The following KCNMA1 variants were observed in gnomAD, a reference collection of about 807,000 sequenced individuals.
The protein encoded by KCNMA1 is Calcium-activated potassium channel subunit alpha-1.
A neutral mutation model predicts 140.0 loss-of-function variants in KCNMA1; 29 were observed. The ratio of observed to expected loss-of-function variants is 0.21; its 90% CI spans 0.15 to 0.28. The LOEUF is 0.28. Among genes scored for constraint, KCNMA1 ranks in the 10% least tolerant of loss-of-function variants. The pLI is 1.00. For missense variants in KCNMA1, 880 were observed against 1,602.2 expected (o/e 0.55, Z 7.70); for synonymous variants, 612 against 611.9 (o/e 1.00, Z 0.00).
chr10:77,490,218 CA>C (rs1446324736), intron 1 of KCNMA1, among the ~76,000 whole-genome samples: 11 of 152,204 alleles, frequency 7.2e-5, no homozygotes, highest in African/African-American at 2.7e-4. Context: ...ATTGGGTTTA[CA>C]CATGAATTTG....
intron 1 of KCNMA1, among the ~76,000 whole-genome samples, chr10:77,406,332 G>A (rs2096471109): frequency 6.6e-6 from 1 of 152,124 alleles, no homozygotes; most frequent in South Asian, 2.1e-4. Context: ...ATAAGATGGG[G>A]ACAGTACTGC....
At chr10:77,109,870 T>C (rs2097280910) in intron 8 of KCNMA1, among the ~76,000 whole-genome samples, 1 of 152,286 alleles carries the variant, frequency 6.6e-6, no homozygotes, top group African/African-American at 2.4e-5. Flanking sequence ...CTGAGTTACA[T>C]TGCTAAGGGG....
intron 2 of KCNMA1, among the ~76,000 whole-genome samples, chr10:77,374,595 TC>T (rs1395320712): frequency 9.8e-5 from 15 of 152,302 alleles, no homozygotes; most frequent in African/African-American, 3.6e-4. Context: ...CTTTGGGTTT[TC>T]TCCAAACCTA....
intron 23 of KCNMA1, among the ~76,000 whole-genome samples, chr10:76,937,422 A>G (rs1439747409): frequency 6.6e-6 from 1 of 152,226 alleles, no homozygotes; most frequent in Non-Finnish European, 1.5e-5. Context: ...CTATCCCAAC[A>G]AAGATGAAAC....
chr10:76,957,749 C>T (rs1383939178), intron 20 of KCNMA1, among the ~76,000 whole-genome samples: 1 of 152,088 alleles, frequency 6.6e-6, no homozygotes, highest in Non-Finnish European at 1.5e-5. Flanking sequence ...AGAAAGGTTG[C>T]TAGAGTGAAG....
chr10:77,221,335 C>T (rs1450851957), intron 3 of KCNMA1, among the ~76,000 whole-genome samples: 1 of 152,082 alleles, frequency 6.6e-6, no homozygotes, highest in Non-Finnish European at 1.5e-5. Context: ...AACCTGGGAT[C>T]CAAGGACTGC....
intron 2 of KCNMA1, among the ~76,000 whole-genome samples, chr10:77,400,617 T>G (rs1160658140): frequency 6.6e-6 from 1 of 152,240 alleles, no homozygotes; most frequent in Non-Finnish European, 1.5e-5. Flanking sequence ...GCTCTGTCAC[T>G]CAAAGCTGAA....
intron 2 of KCNMA1, chr10:77,315,434 T>A (rs1325954405): frequency 3.9e-5 from 6 of 152,236 alleles, no homozygotes; most frequent in Non-Finnish European, 5.9e-5. Flanking sequence ...ATAGCTGCCA[T>A]CTTGTGTTTG....
chr10:77,254,252 C>G (rs1414047019), intron 2 of KCNMA1, among the ~76,000 whole-genome samples: 1 of 146,052 alleles, frequency 6.8e-6, no homozygotes, highest in Non-Finnish European at 1.5e-5. Flanking sequence ...GACAGATCCT[C>G]GTTCTGTCGC....
At chr10:76,890,814 G>A (rs1288274209) in intron 26 of KCNMA1, among the ~76,000 whole-genome samples, 1 of 152,186 alleles carries the variant, frequency 6.6e-6, no homozygotes, top group African/African-American at 2.4e-5. Flanking sequence ...GGGAGACGCT[G>A]GCCACTTCCG....
At chr10:77,585,733 T>C (rs2077096766) in intron 1 of KCNMA1, among the ~76,000 whole-genome samples, 1 of 152,208 alleles carries the variant, frequency 6.6e-6, no homozygotes, top group African/African-American at 2.4e-5. Context: ...TTTGGATTTC[T>C]CAGGCATCTA....
intron 16 of KCNMA1, chr10:77,023,036 C>T (rs11595837): frequency 0.026 from 11,318 of 428,184 alleles, 211 homozygotes; most frequent in Middle Eastern, 0.037. Flanking sequence ...AATTGGCTAG[C>T]GGGGCTCAGT....
chr10:77,590,052 G>C lies in KCNMA1; in HGVS notation c.378+47213C>G, dbSNP rs1185590898. On this transcript the variant is annotated intron_variant, in intron 1 of 27. Coordinates refer to ENST00000286628, the MANE Select transcript of KCNMA1 (RefSeq NM_001161352.2). ...CCCCACCAGAGTAGCTAGATACAGA[G>C]TGTCCACTGGTGCATTCACAAACCC... is the stretch of plus-strand genomic sequence containing the variant. Among the ~76,000 whole-genome samples the C allele has an allele frequency of 3.3e-5, 5 of 152,312 alleles. No individual in the cohort carries two copies. The South Asian group carries it at 6.2e-4, about 19-fold the overall frequency.
At chr10:77,555,806 C>A (rs915253313) in intron 1 of KCNMA1, among the ~76,000 whole-genome samples, 4 of 152,262 alleles carry the variant, frequency 2.6e-5, no homozygotes, top group Admixed American at 6.5e-5. Flanking sequence ...CACACATATG[C>A]CTCATGGAAG....
At chr10:76,950,825 G>A (rs1185749897) in intron 21 of KCNMA1, among the ~76,000 whole-genome samples, 1 of 152,162 alleles carries the variant, frequency 6.6e-6, no homozygotes, top group East Asian at 1.9e-4. Flanking sequence ...GTTTCCCTCT[G>A]CAATAGTCCA....
chr10:76,934,840 C>T (rs116266270), intron 23 of KCNMA1, among the ~76,000 whole-genome samples: 135 of 152,232 alleles, frequency 8.9e-4, no homozygotes, highest in African/African-American at 3.1e-3. Flanking sequence ...AGGCTTTGGG[C>T]GCTACAGTGG....
downstream of KCNMA1, chr10:76,874,322 T>C (rs1194708216): frequency 6.6e-6 from 1 of 152,164 alleles, no homozygotes; most frequent in Non-Finnish European, 1.5e-5. Context: ...ATTCCAGTCC[T>C]GGACACAATA....
Position 76,885,408 on chromosome 10 carries a change from G to A in KCNMA1, c.*1858C>T, listed in dbSNP as rs940699692. 42 of 984,624 alleles carry A rather than the reference G, an allele frequency of 4.3e-5. No homozygotes were observed. The highest frequency in any genetic ancestry group is 4.8e-5 in the Non-Finnish European group (40 of 829,514). The allele number at this position is 984,624 out of a possible 1,614,324, so 61.0% of individuals were successfully genotyped here. A position where few individuals can be genotyped will look rare whatever the true frequency, so the allele number is the denominator to read the frequency against. On this transcript the variant is annotated 3_prime_UTR_variant, in exon 28 of 28. Transcript: ENST00000286628. ...ACAATACTGGTTTGAATACTACGCT[G>A]CCCCTGTCTTTGGTGTGGGGGAGGG...
chr10:77,179,364 C>G (rs1326142396), intron 5 of KCNMA1, among the ~76,000 whole-genome samples: 1 of 152,118 alleles, frequency 6.6e-6, no homozygotes, highest in Non-Finnish European at 1.5e-5. Flanking sequence ...CAGGTCGGAT[C>G]TCCAAGCTGC....
Sources: gnomAD v4.1 joint callset for allele counts (sites outside exome capture counted in the v4.1 genomes callset) on GRCh38, gnomAD v4.1.1 for gene constraint, MANE v1.5 for transcripts, NCBI Gene and HGNC (gene_info 2026-07-23, HGNC 2026-07-21) for gene names.